The following AFF3 variants were observed in gnomAD, a reference collection of about 807,000 sequenced individuals.
The protein encoded by AFF3 is AF4/FMR2 family member 3.
A neutral mutation model predicts 129.7 loss-of-function variants in AFF3; 32 were observed. The observed-to-expected ratio is 0.25, with a 90% confidence interval of 0.19 to 0.33. The LOEUF is 0.33. Ranked by LOEUF, AFF3 falls within the 10% of genes least tolerant of loss-of-function variation. The pLI is 1.00. For synonymous variants in AFF3, 644 were observed against 635.4 expected (o/e 1.01, Z -0.20); for missense variants, 1,373 against 1,592.0 (o/e 0.86, Z 2.34).
chr2:99,872,945 C>CT (rs745908849), intron 7 of AFF3, among the ~76,000 whole-genome samples: 2 of 152,196 alleles, frequency 1.3e-5, no homozygotes, highest in African/African-American at 2.4e-5. Flanking sequence ...ACAACAAACA[C>CT]TGTCAGTTGT....
intron 4 of AFF3, among the ~76,000 whole-genome samples, chr2:100,015,093 T>C (rs1682901629): frequency 6.6e-6 from 1 of 151,728 alleles, no homozygotes; most frequent in African/African-American, 2.4e-5. Context: ...CGTGAGCCAC[T>C]GTGCCTGGCC....
chr2:99,894,554 T>C (rs867692759), intron 7 of AFF3, among the ~76,000 whole-genome samples: 3 of 151,398 alleles, frequency 2.0e-5, no homozygotes, highest in African/African-American at 7.3e-5. Context: ...CTGCAAGCTC[T>C]GCCTCCTGGG....
At chr2:99,680,416 A>T (rs1313934359) in intron 11 of AFF3, among the ~76,000 whole-genome samples, 1 of 152,174 alleles carries the variant, frequency 6.6e-6, no homozygotes, top group Non-Finnish European at 1.5e-5. Flanking sequence ...AAAGAACATG[A>T]TCCTTTCCCG....
chr2:100,141,154 A>G (rs1468728791), intron 1 of AFF3, among the ~76,000 whole-genome samples: 1 of 152,256 alleles, frequency 6.6e-6, no homozygotes, highest in East Asian at 1.9e-4. Context: ...ACTCCGATGC[A>G]GAGATGTATA....
At chr2:99,859,988 T>C (rs993011124) in intron 7 of AFF3, among the ~76,000 whole-genome samples, 1 of 152,176 alleles carries the variant, frequency 6.6e-6, no homozygotes. Context: ...TACTAAGAAA[T>C]GCATATATTC....
rs192895152 is a variant in AFF3, at chr2:99,546,648, C to A, written c.*4826G>T. On this transcript the variant is annotated 3_prime_UTR_variant, in exon 25 of 25. Transcript: ENST00000672756. ...ACTAAAAATGAAGTTAACAAACTTA[C>A]CCTCCCACATAGGGGATGCTTCATG... The A allele has an allele frequency of 2.4e-4, 56 of 231,442 alleles. No homozygotes were observed. In the East Asian group the frequency reaches 3.4e-3, roughly 14 times the overall value. 14.3% of individuals were successfully genotyped at this position (231,442 alleles called of 1,614,324 possible). A position where few individuals can be genotyped will look rare whatever the true frequency, so the allele number is the denominator to read the frequency against.
chr2:99,645,948 G>C (rs1684651585), intron 13 of AFF3, among the ~76,000 whole-genome samples: 1 of 152,062 alleles, frequency 6.6e-6, no homozygotes. Context: ...ACAACCCAGA[G>C]GGATGAGACT....
intron 4 of AFF3, among the ~76,000 whole-genome samples, chr2:100,049,832 T>C (rs997776554): frequency 1.3e-5 from 2 of 152,208 alleles, no homozygotes; most frequent in African/African-American, 4.8e-5. Flanking sequence ...GTACTCCTCA[T>C]ACAACATCTT....
chr2:99,618,463 TG>T (rs1315277947), intron 13 of AFF3, among the ~76,000 whole-genome samples: 3 of 152,122 alleles, frequency 2.0e-5, no homozygotes, highest in Non-Finnish European at 4.4e-5. Context: ...CTCAAACTCC[TG>T]ACCTCAGGTG....
intron 7 of AFF3, among the ~76,000 whole-genome samples, chr2:99,944,752 C>T (rs949024189): frequency 3.3e-5 from 5 of 152,068 alleles, no homozygotes; most frequent in South Asian, 2.1e-4. Flanking sequence ...CCACGGGGCT[C>T]GCCTCTAGCC....
chr2:99,601,442 C>A lies in AFF3; in HGVS notation c.1364G>T (p.Ser455Ile). The A allele has an allele frequency of 1.2e-6, 2 of 1,605,282 alleles. No individual in the cohort carries two copies. Among genetic ancestry groups the A allele is most frequent in the Non-Finnish European group, 1.7e-6 (2 of 1,175,076 alleles). ...GAGCCAGGCAGCGCTTACCTCGGGG[C>A]TGGAGAAGTGGGGGGGCTTGCTGCC... ...SEGSKPPHFSSPEAEPASSNK... is the reference protein window; with the variant it reads ...SEGSKPPHFSIPEAEPASSNK... The change falls in exon 14 of 25, where the codon AGC (serine) becomes ATC (isoleucine). Residue 455 changes from serine (S) to isoleucine (I), a missense_variant. Around this residue, in one of 9 missense-constraint regions of AFF3, gnomAD observed 413 missense variants for 424.4 expected, o/e 0.97. Transcript: ENST00000672756.
At position 99,668,470 on chromosome 2, in the gene AFF3, G is replaced by A. The variant is rs376587817; in HGVS notation, c.1143+4068C>T. ...CAGGCATGAGCCACCACACCCCGCC[G>A]GGAAATAGAATTTTTAAGTTTAAAA... On this transcript the variant is annotated intron_variant, in intron 12 of 24. Transcript: ENST00000672756. 1.2e-4 allele frequency among the ~76,000 whole-genome samples: 18 copies of A among 150,464 alleles called. No homozygotes were observed. The South Asian group carries it at 1.5e-3, about 12-fold the overall frequency.
At chr2:99,990,610 A>C (rs905578345) in intron 7 of AFF3, among the ~76,000 whole-genome samples, 18 of 152,152 alleles carry the variant, frequency 1.2e-4, no homozygotes, top group African/African-American at 3.6e-4. Context: ...AAAGAGGTGA[A>C]ACTGGATCTT....
At chr2:99,604,456 A>G (rs997812274) in intron 13 of AFF3, among the ~76,000 whole-genome samples, 9 of 152,276 alleles carry the variant, frequency 5.9e-5, no homozygotes, top group African/African-American at 2.2e-4. Context: ...GGAACCACAC[A>G]CACTGGGGCC....
At position 99,829,022 on chromosome 2, in the gene AFF3, T is replaced by C. The variant is rs116625667; in HGVS notation, c.921+8455A>G. 1.4e-3 allele frequency among the ~76,000 whole-genome samples: 208 copies of C among 152,318 alleles called. 1 individual carries two copies. Among genetic ancestry groups the C allele is most frequent in the African/African-American group, 4.9e-3 (204 of 41,576 alleles). ...TGAGGCTTCTAAGTGAAATGCTATATAATAAAACCAGTTTTACCATAGGCT... is the reference window on the plus strand; with the variant it reads ...TGAGGCTTCTAAGTGAAATGCTATACAATAAAACCAGTTTTACCATAGGCT... On this transcript the variant is annotated intron_variant, in intron 8 of 24. Transcript: ENST00000672756.
chr2:99,946,473 TAAAAAAAAAAAAAAAAAAAAA>T (rs55672296), intron 7 of AFF3, among the ~76,000 whole-genome samples: 7 of 50,504 alleles, frequency 1.4e-4, no homozygotes, highest in Non-Finnish European at 2.6e-4. Context: ...GACGCCATCT[TAAAAAAAAAAAAAAAAAAAAA>T]AAAAAAAAAA....
At position 99,947,639 on chromosome 2, in the gene AFF3, GATAGAT is replaced by G. The variant is rs1388818414; in HGVS notation, c.873+58987_873+58992del. 2.5e-3 allele frequency among the ~76,000 whole-genome samples: 380 copies of G among 151,826 alleles called. 6 individuals carry two copies. Among genetic ancestry groups the G allele is most frequent in the African/African-American group, 8.7e-3 (360 of 41,374 alleles). ...AGATAGATAGATAGATAGATAGATA[GATAGAT>G]AGATAGATAGACAGACAGACAGACA... On this transcript the variant is annotated intron_variant, in intron 7 of 24. Coordinates refer to ENST00000672756, the MANE Select transcript of AFF3 (RefSeq NM_001386135.1).
At chr2:99,594,776 T>C (rs994180151) in intron 14 of AFF3, among the ~76,000 whole-genome samples, 1 of 152,196 alleles carries the variant, frequency 6.6e-6, no homozygotes, top group Non-Finnish European at 1.5e-5. Context: ...ACATGATTTA[T>C]GTGTTGAAGG....
In AFF3 at chr2:99,998,967, C is replaced by T. The variant is rs148843199; in HGVS notation, c.873+7665G>A. 1.4e-4 allele frequency among the ~76,000 whole-genome samples: 21 copies of T among 152,252 alleles called. No homozygotes were observed. In the East Asian group the frequency reaches 4.1e-3, roughly 29 times the overall value. ...GAAATGTGGGCTCCCTCCTATATTG[C>T]TCTGTTCCCCTCATCACCCTCCTTA... On this transcript the variant is annotated intron_variant, in intron 7 of 24. Coordinates refer to ENST00000672756, the MANE Select transcript of AFF3 (RefSeq NM_001386135.1).
Sources: allele counts gnomAD v4.1 joint callset (sites outside exome capture counted in the v4.1 genomes callset), GRCh38; gene constraint gnomAD v4.1.1; regional missense constraint gnomAD v4.1.1; transcripts MANE v1.5; gene names NCBI Gene and HGNC (gene_info 2026-07-23, HGNC 2026-07-21).